ATP2B2: variants seen among roughly 807,000 people sequenced by gnomAD.
ATP2B2 encodes the protein ATPase plasma membrane Ca2+ transporting 2, also known as plasma membrane calcium-transporting ATPase 2.
Under a neutral mutation model 120.0 loss-of-function variants are expected in ATP2B2, and 15 were observed. The observed-to-expected ratio is 0.12, with a 90% CI of 0.08 to 0.19. The LOEUF (loss-of-function observed/expected upper bound fraction) is 0.19, where lower values mean the gene tolerates loss of function less well. Ranked by LOEUF, ATP2B2 falls within the 10% of genes least tolerant of loss-of-function variation. The pLI is 1.00. For missense variants in ATP2B2, 1,045 were observed against 1,719.8 expected (o/e 0.61, Z 6.94); for synonymous variants, 694 against 700.3 (o/e 0.99, Z 0.14).
chr3:10,526,977 CTAT>C (rs2067109404), intron 3 of ATP2B2, among the ~76,000 whole-genome samples: 1 of 152,294 alleles, frequency 6.6e-6, no homozygotes, highest in East Asian at 1.9e-4. Context: ...AAGCTAGGTC[CTAT>C]TATTATCCCC....
At chr3:10,507,072 C>T (rs911565158), upstream of ATP2B2, among the ~76,000 whole-genome samples, 1 of 152,164 alleles carries the variant, frequency 6.6e-6, no homozygotes. Context: ...CCCCTTAGCC[C>T]GCAGGGTGGC....
At chr3:10,492,070 G>C (rs868124176) in intron 1 of ATP2B2, among the ~76,000 whole-genome samples, 1 of 152,242 alleles carries the variant, frequency 6.6e-6, no homozygotes, top group African/African-American at 2.4e-5. Flanking sequence ...CATTCCATTT[G>C]TTGCGACAAG....
chr3:10,362,196 C>T (rs1393024590), intron 12 of ATP2B2, among the ~76,000 whole-genome samples: 2 of 152,228 alleles, frequency 1.3e-5, no homozygotes, highest in South Asian at 2.1e-4. Context: ...CACAAGGAGC[C>T]CTCTGCATCC....
At chr3:10,614,512 A>G (rs928983494) in intron 2 of ATP2B2, among the ~76,000 whole-genome samples, 4 of 152,260 alleles carry the variant, frequency 2.6e-5, no homozygotes, top group Non-Finnish European at 5.9e-5. Context: ...TTCCTTCAAA[A>G]ATCACAAGAT....
chr3:10,636,141 C>T (rs2070015338), intron 1 of ATP2B2, among the ~76,000 whole-genome samples: 1 of 152,218 alleles, frequency 6.6e-6, no homozygotes, highest in African/African-American at 2.4e-5. Context: ...AATGTAAAGG[C>T]CAGTCTCTTC....
chr3:10,687,993 T>A (rs1032144652), intron 1 of ATP2B2, among the ~76,000 whole-genome samples: 8 of 152,166 alleles, frequency 5.3e-5, no homozygotes, highest in Non-Finnish European at 1.0e-4. Context: ...CAAGCACTGG[T>A]TTTGATATTA....
intron 2 of ATP2B2, among the ~76,000 whole-genome samples, chr3:10,431,602 C>T (rs897207903): frequency 2.0e-5 from 3 of 152,300 alleles, no homozygotes; most frequent in South Asian, 2.1e-4. Context: ...GCTTGTCACA[C>T]GCACACACAA....
intron 1 of ATP2B2, among the ~76,000 whole-genome samples, chr3:10,467,419 C>T (rs1386687782): frequency 2.0e-5 from 3 of 152,172 alleles, no homozygotes; most frequent in East Asian, 1.9e-4. Context: ...CCCCACTCTC[C>T]GGGCAGTCAG....
intron 2 of ATP2B2, among the ~76,000 whole-genome samples, chr3:10,542,236 A>G (rs2125497424): frequency 6.6e-6 from 1 of 152,254 alleles, no homozygotes; most frequent in South Asian, 2.1e-4. Flanking sequence ...TATTTGGGCC[A>G]TTGATATTTA....
chr3:10,328,937 C>G lies in ATP2B2; in HGVS notation c.3609G>C (p.Pro1203=). ...DAALKQNSSP[P]SSLNKNNSAI... is the part of the protein sequence containing the mutation. ...CGCTGTTGTTCTTGTTGAGGGATGA[C>G]GGCGGGCTCGAGTTCTGCTTGAGCG... The change falls in exon 23 of 23, where the codon CCG becomes CCC. Residue 1203 remains proline (P), a synonymous_variant. Transcript: ENST00000360273. 6.2e-7 allele frequency: 1 copy of G among 1,613,766 alleles called. No individual in the cohort carries two copies. The highest frequency in any genetic ancestry group is 1.1e-5 in the South Asian group (1 of 91,054).
chr3:10,483,120 C>T (rs2065480321), intron 1 of ATP2B2, among the ~76,000 whole-genome samples: 1 of 152,226 alleles, frequency 6.6e-6, no homozygotes, highest in South Asian at 2.1e-4. Flanking sequence ...ATCTATCCTA[C>T]CTTCTCTCCC....
At chr3:10,387,817 C>T (rs926211128) in intron 6 of ATP2B2, 1 of 235,126 alleles carries the variant, frequency 4.3e-6, no homozygotes, top group Non-Finnish European at 8.5e-6. Context: ...ATCTGGCTAC[C>T]TTTCCCAGAA....
intron 5 of ATP2B2, among the ~76,000 whole-genome samples, chr3:10,393,596 T>C (rs1559277102): frequency 6.6e-6 from 1 of 151,874 alleles, no homozygotes; most frequent in South Asian, 2.1e-4. Context: ...GTGGACAAAG[T>C]TGGTGGGAGA....
At chr3:10,696,874 C>A (rs942932027) in intron 1 of ATP2B2, among the ~76,000 whole-genome samples, 1 of 152,190 alleles carries the variant, frequency 6.6e-6, no homozygotes, top group Non-Finnish European at 1.5e-5. Flanking sequence ...ACCAAGGAGT[C>A]GCCATTAGGT....
At chr3:10,458,172 A>C (rs1280600194) in intron 1 of ATP2B2, among the ~76,000 whole-genome samples, 2 of 152,066 alleles carry the variant, frequency 1.3e-5, no homozygotes, top group Admixed American at 1.3e-4. Context: ...CCATCTGTTC[A>C]TCCACCTACC....
chr3:10,345,715 C>G (rs1018966757), intron 17 of ATP2B2, 140 bp from the exon 18 acceptor site: 44 of 819,450 alleles, frequency 5.4e-5, no homozygotes, highest in Non-Finnish European at 7.2e-5. Flanking sequence ...CACAGGGACA[C>G]CCCACTCTTC....
At position 10,356,964 on chromosome 3, in the gene ATP2B2, T is replaced by TGAGAGAGA. The variant is rs4040764; in HGVS notation, c.2136+1719_2136+1726dup. On this transcript the variant is annotated intron_variant, in intron 14 of 22. Coordinates refer to ENST00000360273, the MANE Select transcript of ATP2B2 (RefSeq NM_001001331.4). ...CACCCCCAAGGAGGGTGTGTGTGTA[T>TGAGAGAGA]GAGAGAGAGAGAGAGAGAGAGAGAG... Among the ~76,000 whole-genome samples the TGAGAGAGA allele has an allele frequency of 1.5e-4, 21 of 144,456 alleles. 1 individual carries two copies. Among genetic ancestry groups the TGAGAGAGA allele is most frequent in the South Asian group, 8.9e-4 (4 of 4,470 alleles). The allele number at this position is 144,456 out of a possible 152,430, so 94.8% of individuals were successfully genotyped here. A position where few individuals can be genotyped will look rare whatever the true frequency, so the allele number is the denominator to read the frequency against.
At chr3:10,653,899 C>T (rs2125670002) in intron 1 of ATP2B2, among the ~76,000 whole-genome samples, 1 of 152,228 alleles carries the variant, frequency 6.6e-6, no homozygotes, top group Middle Eastern at 3.4e-3. Flanking sequence ...CCTTTCTCTA[C>T]TCAACACATT....
intron 3 of ATP2B2, among the ~76,000 whole-genome samples, chr3:10,403,029 T>C (rs2062278673): frequency 6.6e-6 from 1 of 152,174 alleles, no homozygotes; most frequent in Non-Finnish European, 1.5e-5. Flanking sequence ...TGGAGTCTCA[T>C]TACATTGCCC....
Sources: gnomAD v4.1 joint callset for allele counts (sites outside exome capture counted in the v4.1 genomes callset) on GRCh38, gnomAD v4.1.1 for gene constraint, MANE v1.5 for transcripts, NCBI Gene and HGNC (gene_info 2026-07-23, HGNC 2026-07-21) for gene names.